The following OSBPL10 variants were observed in gnomAD, a reference collection of about 807,000 sequenced individuals.
OSBPL10 encodes the protein oxysterol binding protein like 10, also known as oxysterol-binding protein-related protein 10.
In OSBPL10, 49 loss-of-function variants were observed where a neutral mutation model predicts 81.7. That is an observed-to-expected ratio of 0.60 (90% CI 0.48 to 0.76). OSBPL10 has a LOEUF of 0.76. OSBPL10 is among the 30% of genes least tolerant of loss of function. The probability of loss-of-function intolerance (pLI) is 0.00; values close to 1 mark genes in which losing one functional copy is unlikely to be tolerated. For missense variants in OSBPL10, 923 were observed against 987.8 expected (o/e 0.93, Z 0.88); for synonymous variants, 419 against 383.6 (o/e 1.09, Z -1.08).
intron 6 of OSBPL10, among the ~76,000 whole-genome samples, chr3:31,726,169 C>T (rs1341478258): frequency 3.3e-5 from 5 of 152,050 alleles, no homozygotes; most frequent in Admixed American, 6.5e-5. Flanking sequence ...ACTCCACAGC[C>T]GGGGAGGGTG....
At chr3:31,716,024 G>A (rs148098121) in intron 6 of OSBPL10, among the ~76,000 whole-genome samples, 2 of 152,258 alleles carry the variant, frequency 1.3e-5, no homozygotes, top group East Asian at 3.9e-4. Context: ...AGCACTGTGG[G>A]AATGCAGAGT....
chr3:31,839,877 A>G (rs1290469072), intron 3 of OSBPL10, among the ~76,000 whole-genome samples: 3 of 150,780 alleles, frequency 2.0e-5, no homozygotes, highest in Non-Finnish European at 4.4e-5. Flanking sequence ...GACACAGAGA[A>G]TGACAAGCAA....
intron 4 of OSBPL10, among the ~76,000 whole-genome samples, chr3:31,778,329 C>T (rs1219690227): frequency 6.6e-6 from 1 of 152,188 alleles, no homozygotes; most frequent in Non-Finnish European, 1.5e-5. Flanking sequence ...CCCCCATCCT[C>T]CACAGTGGCC....
At chr3:31,895,593 A>T (rs924694872) in intron 1 of OSBPL10, among the ~76,000 whole-genome samples, 4 of 152,158 alleles carry the variant, frequency 2.6e-5, no homozygotes, top group Non-Finnish European at 4.4e-5. Flanking sequence ...CTCCAACTTT[A>T]TGTAACTCCA....
intron 4 of OSBPL10, among the ~76,000 whole-genome samples, chr3:31,772,918 G>A (rs1013225536): frequency 2.0e-5 from 3 of 151,472 alleles, no homozygotes; most frequent in African/African-American, 7.3e-5. Context: ...CACTTTTCAT[G>A]TCATATCGCC....
chr3:31,929,795 A>G (rs1697183172), intron 1 of OSBPL10, among the ~76,000 whole-genome samples: 2 of 151,876 alleles, frequency 1.3e-5, no homozygotes, highest in African/African-American at 4.8e-5. Flanking sequence ...CTAAGTAAGA[A>G]AAGAAAGCCC....
chr3:31,697,738 C>G lies in OSBPL10; in HGVS notation c.1245+4621G>C, dbSNP rs552562508. Among the ~76,000 whole-genome samples the G allele has an allele frequency of 2.0e-5, 3 of 152,154 alleles. No individual in the cohort carries two copies. In the South Asian group the frequency reaches 6.2e-4, roughly 32 times the overall value. ...GCCACTAGCACTGTGCCACCAGCAC[C>G]TCACCTAGGTTATTACAGTAGCTTC... On this transcript the variant is annotated intron_variant, in intron 7 of 11. Coordinates refer to ENST00000396556, the MANE Select transcript of OSBPL10 (RefSeq NM_017784.5).
At chr3:31,729,876 C>T (rs770846649) in intron 6 of OSBPL10, among the ~76,000 whole-genome samples, 9 of 152,182 alleles carry the variant, frequency 5.9e-5, no homozygotes, top group Non-Finnish European at 1.2e-4. Flanking sequence ...CCACAACTGC[C>T]TCTAAACACT....
chr3:31,889,010 C>A (rs1695816263), intron 1 of OSBPL10, among the ~76,000 whole-genome samples: 1 of 152,048 alleles, frequency 6.6e-6, no homozygotes, highest in Non-Finnish European at 1.5e-5. Flanking sequence ...GAAGATATTT[C>A]TCAAAGGATA....
At chr3:31,953,122 CGG>C (rs1204948695) in intron 1 of OSBPL10, among the ~76,000 whole-genome samples, 5 of 151,272 alleles carry the variant, frequency 3.3e-5, no homozygotes, top group Admixed American at 6.6e-5. Context: ...TTAGTAGAGA[CGG>C]GGGTCTCACC....
chr3:31,808,691 T>C (rs1699584648), intron 4 of OSBPL10, among the ~76,000 whole-genome samples: 1 of 152,254 alleles, frequency 6.6e-6, no homozygotes, highest in Non-Finnish European at 1.5e-5. Context: ...TCTACATTCC[T>C]TTCCGATATT....
chr3:31,777,811 T>G (rs995164018), intron 4 of OSBPL10, among the ~76,000 whole-genome samples: 7 of 152,266 alleles, frequency 4.6e-5, no homozygotes, highest in African/African-American at 1.7e-4. Context: ...GGATTTAGCA[T>G]GAAATATAAA....
intron 3 of OSBPL10, among the ~76,000 whole-genome samples, chr3:31,838,059 G>T (rs1700403422): frequency 6.6e-6 from 1 of 152,128 alleles, no homozygotes; most frequent in Admixed American, 6.5e-5. Context: ...CTTCATGAAA[G>T]ATCAAGTTAA....
At chr3:32,052,967 A>C (rs1699680720) in intron 1 of OSBPL10, among the ~76,000 whole-genome samples, 1 of 62,024 alleles carries the variant, frequency 1.6e-5, no homozygotes, top group South Asian at 1.1e-3. Flanking sequence ...CTTACAGAAC[A>C]ATCAAAAAAA....
At chr3:32,071,527 G>C (rs902506838) in intron 1 of OSBPL10, among the ~76,000 whole-genome samples, 1 of 152,166 alleles carries the variant, frequency 6.6e-6, no homozygotes, top group Non-Finnish European at 1.5e-5. Context: ...GAAGGACCAG[G>C]ACCACGCCTT....
intron 2 of OSBPL10, chr3:31,989,193 G>A (rs750775977): frequency 3.1e-6 from 5 of 1,614,148 alleles, no homozygotes; most frequent in Non-Finnish European, 4.2e-6. Flanking sequence ...TGGAGGAGTG[G>A]AAATGCCTGG....
chr3:31,774,490 CTT>C (rs1387965321), intron 4 of OSBPL10, among the ~76,000 whole-genome samples: 165 of 148,780 alleles, frequency 1.1e-3, no homozygotes, highest in Non-Finnish European at 2.5e-4. Flanking sequence ...TGGAAGTCCT[CTT>C]TTGTTTTCTG....
At chr3:31,806,667 T>C (rs1699529648) in intron 4 of OSBPL10, among the ~76,000 whole-genome samples, 1 of 151,880 alleles carries the variant, frequency 6.6e-6, no homozygotes, top group African/African-American at 2.4e-5. Context: ...ACAAGCGCTG[T>C]TGAAAAAATA....
At chr3:31,785,504 T>A (rs1193785113) in intron 4 of OSBPL10, among the ~76,000 whole-genome samples, 2 of 152,142 alleles carry the variant, frequency 1.3e-5, no homozygotes, top group South Asian at 4.2e-4. Context: ...GTCTTAAAGC[T>A]GTTTCAGTAA....
Sources: gnomAD v4.1 joint callset for allele counts (sites outside exome capture counted in the v4.1 genomes callset) on GRCh38, gnomAD v4.1.1 for gene constraint, MANE v1.5 for transcripts, NCBI Gene and HGNC (gene_info 2026-07-23, HGNC 2026-07-21) for gene names.